EP400: variants seen among roughly 807,000 people sequenced by gnomAD.
EP400 encodes the protein E1A-binding protein p400.
EP400 carries 105 observed loss-of-function variants against 354.1 expected under a neutral mutation model. The observed-to-expected ratio is 0.30, with a 90% CI of 0.25 to 0.35. The LOEUF is 0.35. Among genes scored for constraint, EP400 ranks in the 10% least tolerant of loss-of-function variants. EP400 has a pLI of 1.00. For missense variants in EP400, 3,280 were observed against 4,121.0 expected (o/e 0.80, Z 5.59); for synonymous variants, 1,646 against 1,716.9 (o/e 0.96, Z 1.02).
intron 15 of EP400, among the ~76,000 whole-genome samples, chr12:132,009,526 C>G (rs1253900915): frequency 6.6e-6 from 1 of 152,164 alleles, no homozygotes; most frequent in Admixed American, 6.5e-5. Context: ...TGTCCAGGAA[C>G]AGCACCGAGG....
Position 132,062,371 on chromosome 12 carries a change from G to A in EP400, c.8098+48G>A, listed in dbSNP as rs371098420. ...CTCTGCCACACGTCTGCTCTGGCGC[G>A]TGTGAGGGCTCAGCTGCTGCTTGCT... On this transcript the variant is annotated intron_variant, in intron 46 of 52. Transcript: ENST00000389561. 2.5e-5 allele frequency: 41 copies of A among 1,611,150 alleles called. 1 individual carries two copies. Among genetic ancestry groups the A allele is most frequent in the East Asian group, 1.8e-4 (8 of 44,802 alleles).
chr12:132,011,440 T>C (rs906940012), intron 15 of EP400, 58 bp from the exon 16 acceptor site: 1 of 1,601,262 alleles, frequency 6.2e-7, no homozygotes, highest in Non-Finnish European at 8.5e-7. Flanking sequence ...GACACAGTGC[T>C]AGGTGCCTGG....
intron 41 of EP400, among the ~76,000 whole-genome samples, chr12:132,051,682 T>C (rs1895294712): frequency 1.3e-5 from 2 of 152,170 alleles, no homozygotes; most frequent in Admixed American, 1.3e-4. Context: ...GAAGGCAGAC[T>C]AGGAGTGTGA....
At chr12:131,962,497 CCTT>C (rs1891922293) in intron 2 of EP400, among the ~76,000 whole-genome samples, 1 of 152,156 alleles carries the variant, frequency 6.6e-6, no homozygotes, top group African/African-American at 2.4e-5. Flanking sequence ...GTATATGGGA[CCTT>C]CATCATTAAA....
chr12:132,068,438 G>T (rs1185895362), intron 50 of EP400: 1 of 152,350 alleles, frequency 6.6e-6, no homozygotes, highest in Non-Finnish European at 1.5e-5. Context: ...AGGGTTCTTT[G>T]TGCCACACCA....
At position 132,045,500 on chromosome 12, in the gene EP400, A is replaced by T. The variant is rs1449115157; in HGVS notation, c.6966A>T (p.Thr2322=). The T allele has an allele frequency of 6.2e-7, 1 of 1,614,176 alleles. No individual in the cohort carries two copies. The highest frequency in any genetic ancestry group is 8.5e-7 in the Non-Finnish European group (1 of 1,180,018). The change falls in exon 38 of 53, where the codon ACA becomes ACT. Residue 2322 remains threonine (T), a synonymous_variant. Transcript: ENST00000389561. ...CCCTGCCAACTTTTGCCAAACCCAC[A>T]GCTGAGCCTGGTCAAGACAACCCCG... The part of the protein sequence containing the change: ...AKPLPTFAKP[T]AEPGQDNPEW...
intron 1 of EP400, among the ~76,000 whole-genome samples, chr12:131,951,843 C>A (rs961365024): frequency 6.6e-6 from 1 of 152,042 alleles, no homozygotes; most frequent in Admixed American, 6.5e-5. Context: ...ATGGCATGAT[C>A]TCGGCTCACT....
Position 132,067,041 on chromosome 12 carries a change from C to T in EP400, c.8749+72C>T, listed in dbSNP as rs1008422613. The T allele has an allele frequency of 1.1e-5, 16 of 1,446,482 alleles. No individual in the cohort carries two copies. The African/African-American group carries it at 1.1e-4, about 10-fold the overall frequency. The allele number at this position is 1,446,482 out of a possible 1,614,324, so 89.6% of individuals were successfully genotyped here. The stretch of plus-strand genomic sequence containing the variant: ...CACAGGCCTCTCTGGTGGCAGTGGT[C>T]GCCAGCGACCCGTGTTCTTTCCTCA... On this transcript the variant is annotated intron_variant, in intron 49 of 52. Transcript: ENST00000389561. The surrounding 1 kb of genome is among the most constrained non-coding windows in gnomAD (Gnocchi z 5.3).
chr12:132,025,556 C>T lies in EP400; in HGVS notation c.4856-90C>T. The T allele has an allele frequency of 1.5e-6, 2 of 1,338,874 alleles. No homozygotes were observed. The highest frequency in any genetic ancestry group is 1.8e-5 in the South Asian group (1 of 54,810). 82.9% of individuals were successfully genotyped at this position (1,338,874 alleles called of 1,614,324 possible). The stretch of plus-strand genomic sequence containing the variant: ...GTAGATTTGATTTTCAGTTTGTCAA[C>T]TTATTTTTGTACTGTTTGGAAGTGC... On this transcript the variant is annotated intron_variant, in intron 24 of 52. Transcript: ENST00000389561. This position sits in a 1 kb window ranked among gnomAD's most constrained non-coding sequence, Gnocchi z 4.1.
chr12:132,062,542 G>GCAGCAA lies in EP400; in HGVS notation c.8177_8178insGCAACA (p.Gln2747_Gln2748dup), dbSNP rs769597175. ...TTCTCAGGCAGCAGCAGCAGCAGCA[G>GCAGCAA]CAACAACAGCAGCAGCAGCAGCAGC... On this transcript the variant is annotated inframe_insertion, in exon 47 of 53. Coordinates refer to ENST00000389561, the MANE Select transcript of EP400 (RefSeq NM_015409.5). 1 of 1,145,288 alleles carries GCAGCAA rather than the reference G, an allele frequency of 8.7e-7. No homozygotes were observed. The highest frequency in any genetic ancestry group is 1.6e-5 in the African/African-American group (1 of 62,890). 70.9% of individuals were successfully genotyped at this position (1,145,288 alleles called of 1,614,324 possible). A position where few individuals can be genotyped will look rare whatever the true frequency, so the allele number is the denominator to read the frequency against.
intron 51 of EP400, among the ~76,000 whole-genome samples, chr12:132,072,447 T>C (rs935941156): frequency 1.3e-5 from 2 of 152,250 alleles, no homozygotes; most frequent in African/African-American, 4.8e-5. Flanking sequence ...GAAGTGTTTC[T>C]TAATTTCCAG....
At chr12:132,064,110 G>C (rs1312086249) in intron 47 of EP400, among the ~76,000 whole-genome samples, 1 of 145,156 alleles carries the variant, frequency 6.9e-6, no homozygotes, top group South Asian at 2.4e-4. Context: ...AGCCACACAG[G>C]TGCCTTGTCA....
rs553780580 is a variant in EP400 at position 132,067,776 on chromosome 12, G to A, written c.8874+290G>A. Among the ~76,000 whole-genome samples, 18 of 151,308 alleles carry A rather than the reference G, an allele frequency of 1.2e-4. 1 individual carries two copies. The South Asian group carries it at 3.8e-3, about 32-fold the overall frequency. On this transcript the variant is annotated intron_variant, in intron 50 of 52. Transcript: ENST00000389561. This position sits in a 1 kb window ranked among gnomAD's most constrained non-coding sequence, Gnocchi z 5.3. ...AGGTAAGAAGCCTGCATGGCATTGG[G>A]ACAGACACAGGGGGTGCAATTGCAT...
rs111623510 is a variant in EP400, at chr12:132,062,232, G to A, written c.8007G>A (p.Ala2669=). 1.5e-5 allele frequency: 25 copies of A among 1,614,060 alleles called. No individual in the cohort carries two copies. The highest frequency in any genetic ancestry group is 3.3e-5 in the Admixed American group (2 of 59,998). Residue 2669 remains alanine (A), a synonymous_variant, in exon 46 of 53, where the codon GCG becomes GCA. Coordinates refer to ENST00000389561, the MANE Select transcript of EP400 (RefSeq NM_015409.5). Reference sequence around the variant, plus strand: ...TGGCAACGACTCAGGGTGTTCGAGCGGTCACTTCTGTGACAGCCTCGGCCG... The same window carrying A: ...TGGCAACGACTCAGGGTGTTCGAGCAGTCACTTCTGTGACAGCCTCGGCCG... ...VSMATTQGVR[A]VTSVTASAVV...
At chr12:131,967,564 G>A (rs1421531464) in intron 2 of EP400, among the ~76,000 whole-genome samples, 10 of 151,150 alleles carry the variant, frequency 6.6e-5, no homozygotes, top group African/African-American at 9.7e-5. Flanking sequence ...GTGGCGTGCC[G>A]CTGTAGTCCC....
chr12:132,008,468 A>C (rs751576915), intron 15 of EP400, among the ~76,000 whole-genome samples: 4 of 152,212 alleles, frequency 2.6e-5, no homozygotes, highest in African/African-American at 4.8e-5. Flanking sequence ...GCTATAGCAT[A>C]CATTCATATG....
In EP400 at chr12:131,982,093, G is replaced by T. The variant is rs765000514; in HGVS notation, c.1544G>T (p.Gly515Val). 1 of 1,506,088 alleles carries T rather than the reference G, an allele frequency of 6.6e-7. No individual in the cohort carries two copies. The highest frequency in any genetic ancestry group is 8.8e-7 in the Non-Finnish European group (1 of 1,132,166). 93.3% of individuals were successfully genotyped at this position (1,506,088 alleles called of 1,614,324 possible). ...PLQQLMPTAQ[G>V]GMPPTPQAAQ... ...TTTTGGCACTTTTCTTATTTTGCAG[G>T]AGGAATGCCCCCCACGCCGCAGGCC... is the stretch of plus-strand genomic sequence containing the variant. Residue 515 changes from glycine (G) to valine (V), a missense_variant and splice_region_variant, in exon 5 of 53, where the codon GGA (glycine) becomes GTA (valine). Gly to Val is a moderately radical substitution (Grantham distance 109). This residue lies in a region of EP400 where 800 missense variants were observed against 840.0 expected (regional missense o/e 0.95). Transcript: ENST00000389561.
At position 132,009,830 on chromosome 12, in the gene EP400, A is replaced by ATTTT. The variant is rs35513772; in HGVS notation, c.3305-1646_3305-1643dup. Among the ~76,000 whole-genome samples the ATTTT allele has an allele frequency of 1.4e-3, 108 of 79,710 alleles. 3 individuals are homozygous for ATTTT. Among genetic ancestry groups the ATTTT allele is most frequent in the East Asian group, 2.7e-3 (8 of 2,968 alleles). The allele number at this position is 79,710 out of a possible 152,430, so 52.3% of individuals were successfully genotyped here. On this transcript the variant is annotated intron_variant, in intron 15 of 52. Coordinates refer to ENST00000389561, the MANE Select transcript of EP400 (RefSeq NM_015409.5). ...AGGTGTATGCCACCACGCCTGGCTAATTTTTTTTTTTTTTTTTTTTTTTTT... is the reference window on the plus strand; with the variant it reads ...AGGTGTATGCCACCACGCCTGGCTAATTTTTTTTTTTTTTTTTTTTTTTTTTTTT...
rs560003601 is a variant in EP400, at chr12:132,061,937, C to T, written c.7885-173C>T. Among the ~76,000 whole-genome samples, 85 of 152,380 alleles carry T rather than the reference C, an allele frequency of 5.6e-4. No individual in the cohort carries two copies. In the Middle Eastern group the frequency reaches 0.017, roughly 30 times the overall value. On this transcript the variant is annotated intron_variant, in intron 45 of 52. Transcript: ENST00000389561. ...CTGGGAGAAACCATTGCTCAGGGCA[C>T]TTGCTTGTGAATTTACACATGAAAT... is the stretch of plus-strand genomic sequence containing the variant.
Sources: gnomAD v4.1 joint callset for allele counts (sites outside exome capture counted in the v4.1 genomes callset) on GRCh38, gnomAD v4.1.1 for gene constraint, gnomAD v4.1.1 regional missense constraint, Gnocchi (gnomAD v3.1) non-coding constraint, MANE v1.5 for transcripts, NCBI Gene and HGNC (gene_info 2026-07-23, HGNC 2026-07-21) for gene names.